RBM17: variants seen among roughly 807,000 people sequenced by gnomAD.
RBM17 encodes the protein RNA binding motif protein 17, also known as splicing factor 45.
Under a neutral mutation model 53.2 loss-of-function variants are expected in RBM17, and 7 were observed. That is an observed-to-expected ratio of 0.13 (90% CI 0.07 to 0.25). The LOEUF is 0.25. Ranked by LOEUF, RBM17 falls within the 10% of genes least tolerant of loss-of-function variation. The pLI, the probability that RBM17 is intolerant of heterozygous loss-of-function variation, is 1.00. For synonymous variants in RBM17, 167 were observed against 178.1 expected (o/e 0.94, Z 0.50); for missense variants, 257 against 496.7 (o/e 0.52, Z 4.59).
At chr10:6,101,945 G>A (rs1234234422) in intron 3 of RBM17, among the ~76,000 whole-genome samples, 1 of 152,178 alleles carries the variant, frequency 6.6e-6, no homozygotes, top group Non-Finnish European at 1.5e-5. Flanking sequence ...TATGATTCCA[G>A]TGATTTTACA....
intron 2 of RBM17, among the ~76,000 whole-genome samples, chr10:6,097,620 G>A (rs1040162499): frequency 2.1e-4 from 32 of 152,222 alleles, no homozygotes; most frequent in African/African-American, 7.5e-4. Context: ...GCAGTGAGCC[G>A]AGATCGCGCC....
intron 2 of RBM17, 58 bp downstream of exon 2, chr10:6,097,246 A>T: frequency 1.3e-6 from 2 of 1,568,966 alleles, no homozygotes; most frequent in South Asian, 2.3e-5. Context: ...CCTCATTAGG[A>T]TGACAAGGAA....
At position 6,113,536 on chromosome 10, in the gene RBM17, G is replaced by A. The variant is rs771040329; in HGVS notation, c.885G>A (p.Pro295=). The stretch of plus-strand genomic sequence containing the variant: ...CATCCAAGAAGTCAGATTCAAATCC[G>A]CTGACTGAAATACTTAAGTGTCCTA... ...KDASKKSDSN[P]LTEILKCPTK... The change falls in exon 9 of 12, where the codon CCG becomes CCA. Residue 295 remains proline (P), a synonymous_variant. Coordinates refer to ENST00000379888, the MANE Select transcript of RBM17 (RefSeq NM_032905.5). 17 of 1,613,130 alleles carry A rather than the reference G, an allele frequency of 1.1e-5. No individual in the cohort carries two copies. Among genetic ancestry groups the A allele is most frequent in the Middle Eastern group, 3.3e-4 (2 of 6,056 alleles).
Position 6,116,533 on chromosome 10 carries a change from A to T in RBM17, c.*977A>T, listed in dbSNP as rs1247343279. On this transcript the variant is annotated 3_prime_UTR_variant, in exon 12 of 12. Transcript: ENST00000379888. ...AAAATTTATCAGGACCACAAAAAAGAAAACAAAAATATTTGGTACTGAGGT... is the reference window on the plus strand; with the variant it reads ...AAAATTTATCAGGACCACAAAAAAGTAAACAAAAATATTTGGTACTGAGGT... 6.6e-6 allele frequency: 1 copy of T among 152,392 alleles called. No homozygotes were observed. Among genetic ancestry groups the T allele is most frequent in the Non-Finnish European group, 1.5e-5 (1 of 68,048 alleles). The allele number at this position is 152,392 out of a possible 1,614,324, so 9.4% of individuals were successfully genotyped here.
chr10:6,109,880 A>T (rs1395865067), intron 6 of RBM17, 106 bp from the exon 7 acceptor site: 25 of 995,118 alleles, frequency 2.5e-5, no homozygotes, highest in Non-Finnish European at 3.4e-5. Flanking sequence ...CTTGTGGTAA[A>T]CCAAAAAGTA....
intron 5 of RBM17, among the ~76,000 whole-genome samples, chr10:6,107,870 T>C (rs1840777150): frequency 6.6e-6 from 1 of 152,194 alleles, no homozygotes. Flanking sequence ...TTTTATTTCA[T>C]TGTTGATTAA....
chr10:6,111,613 T>A (rs763333680), intron 7 of RBM17, among the ~76,000 whole-genome samples: 13 of 152,226 alleles, frequency 8.5e-5, no homozygotes, highest in Non-Finnish European at 1.3e-4. Flanking sequence ...GTGCTGGGAT[T>A]ATAAGTGTGA....
chr10:6,108,249 A>C (rs1368572386), intron 5 of RBM17, among the ~76,000 whole-genome samples: 1 of 152,102 alleles, frequency 6.6e-6, no homozygotes. Context: ...CCCTCTGATC[A>C]TTCTCTTATT....
At chr10:6,107,688 A>T (rs929657257) in intron 5 of RBM17, among the ~76,000 whole-genome samples, 1 of 150,480 alleles carries the variant, frequency 6.6e-6, no homozygotes, top group Non-Finnish European at 1.5e-5. Flanking sequence ...CACCATGTTG[A>T]TCAGGCTGGT....
rs184302320 is a variant in RBM17 at position 6,095,884 on chromosome 10, T to C, written c.-18-1164T>C. Among the ~76,000 whole-genome samples, 107 of 152,222 alleles carry C rather than the reference T, an allele frequency of 7.0e-4. 1 individual carries two copies. Among genetic ancestry groups the C allele is most frequent in the Non-Finnish European group, 5.4e-4 (37 of 68,006 alleles). ...GGGGAGCTGAGAAGTAAGAGTACCT[T>C]CAAGAGAAATGCTTGCCGAATCAGA... On this transcript the variant is annotated intron_variant, in intron 1 of 11. Coordinates refer to ENST00000379888, the MANE Select transcript of RBM17 (RefSeq NM_032905.5).
chr10:6,091,701 C>G lies in RBM17; in HGVS notation c.-19+2508C>G, dbSNP rs201919430. Among the ~76,000 whole-genome samples, 38 of 152,280 alleles carry G rather than the reference C, an allele frequency of 2.5e-4. No individual in the cohort carries two copies. In the East Asian group the frequency reaches 6.2e-3, roughly 25 times the overall value. On this transcript the variant is annotated intron_variant, in intron 1 of 11. Transcript: ENST00000379888. Reference sequence around the variant, plus strand: ...ATAGAGCCACTTAACAATGTTCAAGCATGGTGCTGAGCTAGAGATACAAAG... The same window carrying G: ...ATAGAGCCACTTAACAATGTTCAAGGATGGTGCTGAGCTAGAGATACAAAG...
Position 6,098,563 on chromosome 10 carries a change from G to GTGTTTTTTTTT in RBM17, c.123+1376_123+1377insGTTTTTTTTTT, listed in dbSNP as rs1554834988. Among the ~76,000 whole-genome samples, 138 of 46,664 alleles carry GTGTTTTTTTTT rather than the reference G, an allele frequency of 3.0e-3. 7 individuals carry two copies. Among genetic ancestry groups the GTGTTTTTTTTT allele is most frequent in the Non-Finnish European group, 4.9e-3 (111 of 22,532 alleles). 30.6% of individuals were successfully genotyped at this position (46,664 alleles called of 152,430 possible). A position where few individuals can be genotyped will look rare whatever the true frequency, so the allele number is the denominator to read the frequency against. On this transcript the variant is annotated intron_variant, in intron 2 of 11. Transcript: ENST00000379888. ...AATTTCCGTAATACACAGGTTTTTT[G>GTGTTTTTTTTT]TTTTTTTTTTTTTTTTTTTTTTTTT...
chr10:6,095,862 G>T (rs1291241169), intron 1 of RBM17, among the ~76,000 whole-genome samples: 1 of 152,162 alleles, frequency 6.6e-6, no homozygotes, highest in East Asian at 1.9e-4. Flanking sequence ...TGTAATGGGG[G>T]AGCTGAGAAG....
intron 3 of RBM17, among the ~76,000 whole-genome samples, chr10:6,103,000 C>T (rs1840690746): frequency 6.6e-6 from 1 of 152,148 alleles, no homozygotes; most frequent in Admixed American, 6.5e-5. Flanking sequence ...CCATGTTGCC[C>T]AGGCTAGTTT....
Position 6,092,569 on chromosome 10 carries a change from T to A in RBM17, c.-19+3376T>A, listed in dbSNP as rs533692551. On this transcript the variant is annotated intron_variant, in intron 1 of 11. Transcript: ENST00000379888. ...GTTGAGTGTGGTTTCTTAGTCTAGA[T>A]CCTGTCTTGTTTTGGGTGGTGAATT... Among the ~76,000 whole-genome samples, 4 of 152,324 alleles carry A rather than the reference T, an allele frequency of 2.6e-5. No individual in the cohort carries two copies. In the South Asian group the frequency reaches 8.3e-4, roughly 32 times the overall value.
At position 6,115,360 on chromosome 10, in the gene RBM17, C is replaced by G. The variant is rs201730972; in HGVS notation, c.1102+49C>G. The G allele has an allele frequency of 9.1e-6, 14 of 1,543,698 alleles. No homozygotes were observed. The African/African-American group carries it at 1.5e-4, about 17-fold the overall frequency. ...AAGAATAAAAAAGTTGAATTTACAG[C>G]CTTAATCTTTACAAGTAAAGTTACT... On this transcript the variant is annotated intron_variant, in intron 11 of 11. Transcript: ENST00000379888.
At chr10:6,110,733 G>GTT (rs1265742280) in intron 7 of RBM17, among the ~76,000 whole-genome samples, 10 of 152,208 alleles carry the variant, frequency 6.6e-5, no homozygotes, top group African/African-American at 2.4e-4. Flanking sequence ...AGTATCACAT[G>GTT]AAGGCTTTGT....
rs1278510876 is a variant in RBM17 at position 6,089,968 on chromosome 10, G to A, written c.-19+775G>A. 1 of 152,262 alleles carries A rather than the reference G, an allele frequency of 6.6e-6. No individual in the cohort carries two copies. Among genetic ancestry groups the A allele is most frequent in the Non-Finnish European group, 1.5e-5 (1 of 68,062 alleles). 9.4% of individuals were successfully genotyped at this position (152,262 alleles called of 1,614,324 possible). A position where few individuals can be genotyped will look rare whatever the true frequency, so the allele number is the denominator to read the frequency against. On this transcript the variant is annotated intron_variant, in intron 1 of 11. Transcript: ENST00000379888. This position sits in a 1 kb window ranked among gnomAD's most constrained non-coding sequence, Gnocchi z 5.6. ...GGAGGTCATGCTTATGTTGAGTCTT[G>A]AAGGTACGTTGTTAGATGTGAGAGG...
intron 6 of RBM17, 46 bp from the exon 7 acceptor site, chr10:6,109,940 G>A (rs1840812355): frequency 6.7e-7 from 1 of 1,503,652 alleles, no homozygotes; most frequent in Non-Finnish European, 9.0e-7. Flanking sequence ...GTTTCAGAGT[G>A]TTTTCTATAG....
Sources: gnomAD v4.1 joint callset for allele counts (sites outside exome capture counted in the v4.1 genomes callset) on GRCh38, gnomAD v4.1.1 for gene constraint, Gnocchi (gnomAD v3.1) non-coding constraint, MANE v1.5 for transcripts, NCBI Gene and HGNC (gene_info 2026-07-23, HGNC 2026-07-21) for gene names.